Variants in METTL2A observed in about 807,000 individuals in gnomAD.
METTL2A encodes methyltransferase 2A, tRNA N3-cytidine, also known as tRNA N(3)-cytidine methyltransferase METTL2A.
Under a neutral mutation model 49.4 loss-of-function variants are expected in METTL2A, and 45 were observed. The ratio of observed to expected loss-of-function variants is 0.91; its 90% CI spans 0.72 to 1.17. The LOEUF is 1.17. Ranked by LOEUF, METTL2A falls within the 50% of genes most tolerant of loss-of-function variation. METTL2A has a pLI of 0.00. For missense variants in METTL2A, 361 were observed against 462.2 expected (o/e 0.78, Z 2.01); for synonymous variants, 118 against 167.5 (o/e 0.70, Z 2.28).
chr17:62,438,593 A>G (rs1268947707), intron 5 of METTL2A, among the ~76,000 whole-genome samples: 1 of 149,496 alleles, frequency 6.7e-6, no homozygotes, highest in Non-Finnish European at 1.5e-5. Context: ...AAAAAAAAAA[A>G]AGAGTCTGTC....
intron 4 of METTL2A, among the ~76,000 whole-genome samples, chr17:62,433,481 T>G (rs1173644810): frequency 1.3e-5 from 2 of 151,554 alleles, no homozygotes; most frequent in East Asian, 3.9e-4. Flanking sequence ...GGCTCATGCC[T>G]GTAATCTGAA....
At chr17:62,432,323 C>G (rs1311323489) in intron 4 of METTL2A, among the ~76,000 whole-genome samples, 1 of 152,164 alleles carries the variant, frequency 6.6e-6, no homozygotes, top group Admixed American at 6.5e-5. Context: ...ACTCTTAGCC[C>G]TTCATATTCA....
Position 62,449,651 on chromosome 17 carries a change from A to C in METTL2A, c.*922A>C, listed in dbSNP as rs983779753. 2.3e-5 allele frequency: 6 copies of C among 264,502 alleles called. No individual in the cohort carries two copies. Among genetic ancestry groups the C allele is most frequent in the African/African-American group, 1.4e-4 (6 of 42,278 alleles). 16.4% of individuals were successfully genotyped at this position (264,502 alleles called of 1,614,324 possible). A position where few individuals can be genotyped will look rare whatever the true frequency, so the allele number is the denominator to read the frequency against. On this transcript the variant is annotated 3_prime_UTR_variant, in exon 9 of 9. Transcript: ENST00000311506. ...CTTGAACCCAGGAGGCAGAGGTTGC[A>C]GTGAGCTGAGATTGTGCCACTGCAC...
intron 6 of METTL2A, among the ~76,000 whole-genome samples, chr17:62,442,420 C>A (rs571300256): frequency 6.6e-6 from 1 of 152,134 alleles, no homozygotes; most frequent in East Asian, 1.9e-4. Context: ...GGATTACAGA[C>A]AAGCACCACC....
At chr17:62,435,163 T>C in intron 4 of METTL2A, 69 bp from the exon 5 acceptor site, 1 of 1,608,484 alleles carries the variant, frequency 6.2e-7, no homozygotes, top group Non-Finnish European at 8.5e-7. Context: ...TTAACTGTGC[T>C]ACACAAGAAT....
At chr17:62,433,570 T>A (rs911795410) in intron 4 of METTL2A, among the ~76,000 whole-genome samples, 3 of 151,384 alleles carry the variant, frequency 2.0e-5, no homozygotes, top group Admixed American at 6.6e-5. Context: ...TGAAACCCCG[T>A]CTCTCCTAAA....
In METTL2A at chr17:62,450,854, G is replaced by GAA. The variant is rs2070801790; in HGVS notation, c.*2126_*2127insAA. On this transcript the variant is annotated 3_prime_UTR_variant, in exon 9 of 9. Coordinates refer to ENST00000311506, the MANE Select transcript of METTL2A (RefSeq NM_181725.4). Reference sequence around the variant, plus strand: ...AAAGATGCCTAGCTTTCACCTTGTTGATGTTTTTCTAAATTTTGGAATAAT... The same window carrying GAA: ...AAAGATGCCTAGCTTTCACCTTGTTGAAATGTTTTTCTAAATTTTGGAATAAT... 6.6e-6 allele frequency: 1 copy of GAA among 152,126 alleles called. No homozygotes were observed. The highest frequency in any genetic ancestry group is 1.5e-5 in the Non-Finnish European group (1 of 68,024). 9.4% of individuals were successfully genotyped at this position (152,126 alleles called of 1,614,324 possible).
In METTL2A at chr17:62,426,573, G is replaced by C. The variant is rs527306537; in HGVS notation, c.477G>C (p.Glu159Asp). 1.8e-5 allele frequency: 27 copies of C among 1,459,964 alleles called. No individual in the cohort carries two copies. The Admixed American group carries it at 2.6e-4, about 14-fold the overall frequency. The allele number at this position is 1,459,964 out of a possible 1,614,324, so 90.4% of individuals were successfully genotyped here. ...EHKTQTLPVE[E>D]NVTQKISDLE... The stretch of plus-strand genomic sequence containing the variant: ...AAACACAGACACTTCCTGTGGAGGA[G>C]AATGTAACTCAGAAAATTAGTGACC... Residue 159 changes from glutamate to aspartate, a missense_variant, in exon 3 of 9, where the codon GAG becomes GAC. By Grantham distance (45) the Glu-to-Asp change is conservative. This residue lies in a region of METTL2A where 28 missense variants were observed against 75.6 expected (regional missense o/e 0.37). Coordinates refer to ENST00000311506, the MANE Select transcript of METTL2A (RefSeq NM_181725.4).
At chr17:62,437,050 AAAAGAAAGAAAG>A (rs764445606) in intron 5 of METTL2A, among the ~76,000 whole-genome samples, 1 of 152,168 alleles carries the variant, frequency 6.6e-6, no homozygotes, top group African/African-American at 2.4e-5. Context: ...TGCTGGTTTA[AAAAGAAAGAAAG>A]AAAGAAAGAA....
At chr17:62,437,133 C>CTTTTTT (rs747770697) in intron 5 of METTL2A, among the ~76,000 whole-genome samples, 1 of 125,556 alleles carries the variant, frequency 8.0e-6, no homozygotes, top group African/African-American at 3.1e-5. Flanking sequence ...TCAGGCTTCA[C>CTTTTTT]TTTTTTTTTT....
chr17:62,444,606 A>C (rs1413047553), intron 6 of METTL2A, among the ~76,000 whole-genome samples: 2 of 152,166 alleles, frequency 1.3e-5, no homozygotes, highest in Non-Finnish European at 2.9e-5. Flanking sequence ...CTTACGGCAG[A>C]AGCGGGCTGT....
intron 4 of METTL2A, among the ~76,000 whole-genome samples, chr17:62,429,797 A>G (rs2070652284): frequency 6.6e-6 from 1 of 152,100 alleles, no homozygotes; most frequent in African/African-American, 2.4e-5. Flanking sequence ...CAGCCTCCCA[A>G]ATACCTGGGA....
In METTL2A at chr17:62,449,547, C is replaced by T. The variant is rs904470240; in HGVS notation, c.*818C>T. Reference sequence around the variant, plus strand: ...CCAACATGGTGAAACCCCGTCTCTACTAAAGATAAAAAAATTAGCTGAGTG... The same window carrying T: ...CCAACATGGTGAAACCCCGTCTCTATTAAAGATAAAAAAATTAGCTGAGTG... On this transcript the variant is annotated 3_prime_UTR_variant, in exon 9 of 9. Transcript: ENST00000311506. 3.0e-6 allele frequency: 1 copy of T among 337,568 alleles called. No homozygotes were observed. Among genetic ancestry groups the T allele is most frequent in the African/African-American group, 2.3e-5 (1 of 43,666 alleles). The allele number at this position is 337,568 out of a possible 1,614,324, so 20.9% of individuals were successfully genotyped here.
chr17:62,444,873 G>A lies in METTL2A; in HGVS notation c.846G>A (p.Leu282=). 3 of 1,614,038 alleles carry A rather than the reference G, an allele frequency of 1.9e-6. No homozygotes were observed. The highest frequency in any genetic ancestry group is 2.5e-6 in the Non-Finnish European group (3 of 1,179,954). The part of the protein sequence containing the change: ...QKAINRLSRL[L]KPGGMMLLRD... ...CTATCAACAGGCTGAGCAGGCTTCT[G>A]AAACCTGGCGGGATGATGCTTCTGC... The change falls in exon 7 of 9, where the codon CTG becomes CTA. Residue 282 remains leucine, a synonymous_variant. Coordinates refer to ENST00000311506, the MANE Select transcript of METTL2A (RefSeq NM_181725.4).
intron 4 of METTL2A, among the ~76,000 whole-genome samples, chr17:62,434,360 C>T (rs760346883): frequency 1.3e-4 from 20 of 152,212 alleles, no homozygotes; most frequent in Middle Eastern, 6.8e-3. Context: ...GTCAACAGTT[C>T]AGCAGGAAGC....
rs183585848 is a variant in METTL2A at position 62,451,821 on chromosome 17, C to T, written c.*3092C>T. On this transcript the variant is annotated 3_prime_UTR_variant, in exon 9 of 9. Transcript: ENST00000311506. Reference sequence around the variant, plus strand: ...AGGAGAATCACTTGAATCTGGGAGGCGGAGGTTGCAGTGAGCCGAGATGGC... The same window carrying T: ...AGGAGAATCACTTGAATCTGGGAGGTGGAGGTTGCAGTGAGCCGAGATGGC... Among the ~76,000 whole-genome samples the T allele has an allele frequency of 4.7e-3, 706 of 149,602 alleles. 4 individuals carry two copies. Among genetic ancestry groups the T allele is most frequent in the African/African-American group, 0.016 (657 of 40,594 alleles).
In METTL2A at chr17:62,426,339, C is replaced by A. The variant is rs763100719; in HGVS notation, c.243C>A (p.Phe81Leu). The A allele has an allele frequency of 6.2e-7, 1 of 1,613,252 alleles. No individual in the cohort carries two copies. Among genetic ancestry groups the A allele is most frequent in the Non-Finnish European group, 8.5e-7 (1 of 1,179,466 alleles). Residue 81 changes from phenylalanine to leucine, a missense_variant, in exon 3 of 9, where the codon TTC becomes TTA. Physicochemically the swap from Phe to Leu is conservative, Grantham distance 22 (BLOSUM62 0). Coordinates refer to ENST00000311506, the MANE Select transcript of METTL2A (RefSeq NM_181725.4). ...ATGCCCACAAATACTGGAATGACTT[C>A]TACAAAATCCACGAAAATGGGTTTT... ...EINAHKYWNDFYKIHENGFFK... is the reference protein window; with the variant it reads ...EINAHKYWNDLYKIHENGFFK...
chr17:62,442,176 A>G lies in METTL2A; in HGVS notation c.809+1420A>G, dbSNP rs147672821. On this transcript the variant is annotated intron_variant, in intron 6 of 8. Coordinates refer to ENST00000311506, the MANE Select transcript of METTL2A (RefSeq NM_181725.4). The stretch of plus-strand genomic sequence containing the variant: ...TTAGGAAAGTGTGATACAGAATTCT[A>G]TAAAATCAGATTCAGATTAAAGGAA... Among the ~76,000 whole-genome samples, 360 of 152,370 alleles carry G rather than the reference A, an allele frequency of 2.4e-3. 1 individual carries two copies. Among genetic ancestry groups the G allele is most frequent in the African/African-American group, 8.3e-3 (346 of 41,602 alleles).
chr17:62,437,408 T>C (rs1209307530), intron 5 of METTL2A, among the ~76,000 whole-genome samples: 1 of 152,126 alleles, frequency 6.6e-6, no homozygotes, highest in African/African-American at 2.4e-5. Flanking sequence ...GTTTTTTCCC[T>C]CTTTGCATAC....
Sources: gnomAD v4.1 joint callset for allele counts (sites outside exome capture counted in the v4.1 genomes callset) on GRCh38, gnomAD v4.1.1 for gene constraint, gnomAD v4.1.1 regional missense constraint, MANE v1.5 for transcripts, NCBI Gene and HGNC (gene_info 2026-07-23, HGNC 2026-07-21) for gene names.